CYTH4: variants seen among roughly 807,000 people sequenced by gnomAD.
CYTH4 encodes the protein cytohesin 4, also known as cytohesin-4.
In CYTH4, 22 loss-of-function variants were observed where a neutral mutation model predicts 57.5. The observed-to-expected ratio is 0.38, with a 90% confidence interval of 0.27 to 0.55. The LOEUF is 0.55. Among genes scored for constraint, CYTH4 ranks in the 20% least tolerant of loss-of-function variants. CYTH4 has a pLI of 0.74. For synonymous variants in CYTH4, 186 were observed against 206.5 expected (o/e 0.90, Z 0.85); for missense variants, 420 against 535.6 (o/e 0.78, Z 2.13).
chr22:37,314,314 A>G lies in CYTH4; in HGVS notation c.*803A>G, dbSNP rs1929772557. On this transcript the variant is annotated 3_prime_UTR_variant, in exon 13 of 13. Coordinates refer to ENST00000248901, the MANE Select transcript of CYTH4 (RefSeq NM_013385.5). ...TGCTGGGGAGAGAAAAGCAGTATAGACTCCACCTTCCAGGATGTCCATTTC... is the reference window on the plus strand; with the variant it reads ...TGCTGGGGAGAGAAAAGCAGTATAGGCTCCACCTTCCAGGATGTCCATTTC... 2 of 398,592 alleles carry G rather than the reference A, an allele frequency of 5.0e-6. No individual in the cohort carries two copies. Among genetic ancestry groups the G allele is most frequent in the African/African-American group, 2.1e-5 (1 of 48,700 alleles). 24.7% of individuals were successfully genotyped at this position (398,592 alleles called of 1,614,324 possible). A position where few individuals can be genotyped will look rare whatever the true frequency, so the allele number is the denominator to read the frequency against.
chr22:37,308,667 A>T (rs549442895), intron 8 of CYTH4, among the ~76,000 whole-genome samples: 11 of 141,310 alleles, frequency 7.8e-5, no homozygotes, highest in African/African-American at 2.7e-4. Flanking sequence ...TATATGTGTG[A>T]GCGTGCTTGC....
chr22:37,294,712 G>A lies in CYTH4; in HGVS notation c.155G>A (p.Ser52Asn). 1 of 1,613,842 alleles carries A rather than the reference G, an allele frequency of 6.2e-7. No individual in the cohort carries two copies. Among genetic ancestry groups the A allele is most frequent in the East Asian group, 2.2e-5 (1 of 44,866 alleles). Reference sequence around the variant, plus strand: ...TTTGCCCAAATCGACTGCTTCGAGAGTGCGGAGGAGAGGTGAGGGGCTTGG... The same window carrying A: ...TTTGCCCAAATCGACTGCTTCGAGAATGCGGAGGAGAGGTGAGGGGCTTGG... ...DVFAQIDCFE[S>N]AEESRMAQKE... The change falls in exon 3 of 13, where the codon AGT becomes AAT. Residue 52 changes from serine (S) to asparagine (N), a missense_variant. Transcript: ENST00000248901.
intron 8 of CYTH4, among the ~76,000 whole-genome samples, chr22:37,307,238 T>C (rs1416767220): frequency 6.6e-6 from 1 of 152,268 alleles, no homozygotes; most frequent in Non-Finnish European, 1.5e-5. Flanking sequence ...TCAGCCGTTT[T>C]CTTTGCGGGG....
rs1929419587 is a variant in CYTH4, at chr22:37,306,952, C to T, written c.697-2260C>T. Among the ~76,000 whole-genome samples, 3 of 152,224 alleles carry T rather than the reference C, an allele frequency of 2.0e-5. 1 individual carries two copies. The South Asian group carries it at 6.2e-4, about 31-fold the overall frequency. On this transcript the variant is annotated intron_variant, in intron 8 of 12. Coordinates refer to ENST00000248901, the MANE Select transcript of CYTH4 (RefSeq NM_013385.5). The stretch of plus-strand genomic sequence containing the variant: ...AATCAGCCAGATGTGAGTCATTCAC[C>T]CCCTCCTGGAGCCTGGGGCTGGGGA...
At chr22:37,294,597 C>T (rs1353047906) in intron 2 of CYTH4, 63 bp from the exon 3 acceptor site, 6 of 1,596,658 alleles carry the variant, frequency 3.8e-6, no homozygotes, top group Non-Finnish European at 5.1e-6. Context: ...CTTGTGGTCT[C>T]AAACCCCCGG....
intron 6 of CYTH4, among the ~76,000 whole-genome samples, chr22:37,299,692 T>C (rs533677991): frequency 1.4e-4 from 21 of 152,330 alleles, no homozygotes; most frequent in Non-Finnish European, 2.2e-4. Context: ...GGGTACTGTT[T>C]TTGGTACTCA....
chr22:37,308,540 G>A lies in CYTH4; in HGVS notation c.697-672G>A, dbSNP rs371058374. 5.1e-3 allele frequency among the ~76,000 whole-genome samples: 781 copies of A among 151,742 alleles called. 6 individuals are homozygous for A. The highest frequency in any genetic ancestry group is 0.018 in the African/African-American group (733 of 41,228). ...TGTGTATATGTGTCTGTGAGTGTGT[G>A]TATGTGTGTAAGTGTGCGTGTGTAT... On this transcript the variant is annotated intron_variant, in intron 8 of 12. Transcript: ENST00000248901.
intron 6 of CYTH4, among the ~76,000 whole-genome samples, chr22:37,299,721 C>T (rs183243737): frequency 1.3e-5 from 2 of 152,302 alleles, no homozygotes; most frequent in Admixed American, 1.3e-4. Flanking sequence ...ACTGCAGAGG[C>T]AGTCCAATTA....
At chr22:37,303,433 C>A in intron 8 of CYTH4, 31 bp downstream of exon 8, 1 of 1,602,450 alleles carries the variant, frequency 6.2e-7, no homozygotes, top group South Asian at 1.1e-5. Flanking sequence ...CCAGCCTGGC[C>A]CCGGGGAATC....
rs1929637033 is a variant in CYTH4, at chr22:37,311,379, C to A, written c.886-77C>A. ...CACGCTCCTCTTTGAGTTTGGGGAACCCCACACGTTCACACCCTGCCTTGG... is the reference window on the plus strand; with the variant it reads ...CACGCTCCTCTTTGAGTTTGGGGAAACCCACACGTTCACACCCTGCCTTGG... On this transcript the variant is annotated intron_variant, in intron 10 of 12. Transcript: ENST00000248901. This position sits in a 1 kb window ranked among gnomAD's most constrained non-coding sequence, Gnocchi z 4.4. The A allele has an allele frequency of 7.7e-7, 1 of 1,297,706 alleles. No homozygotes were observed. Among genetic ancestry groups the A allele is most frequent in the South Asian group, 1.2e-5 (1 of 83,912 alleles). 80.4% of individuals were successfully genotyped at this position (1,297,706 alleles called of 1,614,324 possible). A position where few individuals can be genotyped will look rare whatever the true frequency, so the allele number is the denominator to read the frequency against.
Position 37,314,515 on chromosome 22 carries a change from A to G in CYTH4, c.*1004A>G. 2.5e-6 allele frequency: 1 copy of G among 397,874 alleles called. No individual in the cohort carries two copies. The highest frequency in any genetic ancestry group is 4.4e-6 in the Non-Finnish European group (1 of 225,644). 24.6% of individuals were successfully genotyped at this position (397,874 alleles called of 1,614,324 possible). ...TGAGCCAGAAAGTAACACAGAGCTC[A>G]TGCTTGGAGAGAGAGAGTCTTGGCC... On this transcript the variant is annotated 3_prime_UTR_variant, in exon 13 of 13. Coordinates refer to ENST00000248901, the MANE Select transcript of CYTH4 (RefSeq NM_013385.5).
intron 4 of CYTH4, chr22:37,296,272 G>A: frequency 1.7e-6 from 1 of 596,876 alleles, no homozygotes; most frequent in East Asian, 2.9e-5. Flanking sequence ...CTTGGGGCAG[G>A]AGGAGCCAGG....
At chr22:37,287,897 A>T (rs1176267679) in intron 1 of CYTH4, among the ~76,000 whole-genome samples, 3 of 152,182 alleles carry the variant, frequency 2.0e-5, no homozygotes, top group Non-Finnish European at 4.4e-5. Context: ...TTAACGGGTC[A>T]TAAGACTCTT....
Position 37,300,987 on chromosome 22 carries a change from G to A in CYTH4, c.515G>A (p.Cys172Tyr), listed in dbSNP as rs761270100. 6.2e-7 allele frequency: 1 copy of A among 1,614,200 alleles called. No homozygotes were observed. The highest frequency in any genetic ancestry group is 1.1e-5 in the South Asian group (1 of 91,080). Residue 172 changes from cysteine (C) to tyrosine (Y), a missense_variant, in exon 7 of 13, where the codon TGC (cysteine) becomes TAC (tyrosine). Cys to Tyr is a radical substitution (Grantham distance 194). Transcript: ENST00000248901. The part of the protein sequence containing the change: ...RMMEAFATRY[C>Y]LCNPGVFQST... The stretch of plus-strand genomic sequence containing the variant: ...ATGGAGGCCTTTGCCACTCGATACT[G>A]CCTCTGCAACCCAGGCGTCTTCCAG...
chr22:37,299,398 C>A, intron 6 of CYTH4, 92 bp downstream of exon 6: 1 of 1,138,944 alleles, frequency 8.8e-7, no homozygotes, highest in Non-Finnish European at 1.3e-6. Flanking sequence ...ACAGCACAAA[C>A]AAAGGGTTGG....
chr22:37,290,435 C>T (rs1258297717), intron 1 of CYTH4, among the ~76,000 whole-genome samples: 1 of 152,158 alleles, frequency 6.6e-6, no homozygotes, highest in Non-Finnish European at 1.5e-5. Flanking sequence ...CCTTCAGTCC[C>T]GACGTTCTGT....
At position 37,312,184 on chromosome 22, in the gene CYTH4, G is replaced by T. The variant is rs780631983; in HGVS notation, c.1112+10G>T. 1 of 1,611,802 alleles carries T rather than the reference G, an allele frequency of 6.2e-7. No individual in the cohort carries two copies. Among genetic ancestry groups the T allele is most frequent in the East Asian group, 2.2e-5 (1 of 44,820 alleles). On this transcript the variant is annotated intron_variant, in intron 12 of 12. Transcript: ENST00000248901. The stretch of plus-strand genomic sequence containing the variant: ...GGATCGAGTCCATCCGGTAAGGGGT[G>T]CCCAGGTCTGGGGACGGCTTCCCGT...
intron 1 of CYTH4, among the ~76,000 whole-genome samples, chr22:37,288,401 ACT>A (rs1221161368): frequency 2.0e-5 from 3 of 151,386 alleles, no homozygotes; most frequent in Non-Finnish European, 4.4e-5. Context: ...ACAGAGTGAG[ACT>A]CTGTCTCAAA....
chr22:37,286,430 G>T (rs1928564208), intron 1 of CYTH4, among the ~76,000 whole-genome samples: 1 of 152,274 alleles, frequency 6.6e-6, no homozygotes, highest in African/African-American at 2.4e-5. Flanking sequence ...TGGATGGGAA[G>T]AGCCTGGATC....
Sources: gnomAD v4.1 joint callset for allele counts (sites outside exome capture counted in the v4.1 genomes callset) on GRCh38, gnomAD v4.1.1 for gene constraint, Gnocchi (gnomAD v3.1) non-coding constraint, MANE v1.5 for transcripts, NCBI Gene and HGNC (gene_info 2026-07-23, HGNC 2026-07-21) for gene names.